Variants in C2orf15 observed in about 807,000 individuals in gnomAD.
The protein encoded by C2orf15 is chromosome 2 open reading frame 15.
Under a neutral mutation model 4.4 loss-of-function variants are expected in C2orf15, and 3 were observed. The observed-to-expected ratio is 0.67, with a 90% CI of 0.31 to 1.74. The LOEUF (loss-of-function observed/expected upper bound fraction) is 1.74, where lower values mean the gene tolerates loss of function less well. Ranked by LOEUF, C2orf15 falls within the 40% of genes most tolerant of loss-of-function variation. The pLI, the probability that C2orf15 is intolerant of heterozygous loss-of-function variation, is 0.09. For missense variants in C2orf15, 90 were observed against 103.3 expected, an observed-to-expected ratio of 0.87 and a Z score of 0.56; for synonymous variants, 37 against 36.8, an observed-to-expected ratio of 1.00 and a Z score of -0.02.
At chr2:99,145,104 C>T (rs987952767) in intron 2 of C2orf15, among the ~76,000 whole-genome samples, 1 of 152,162 alleles carries the variant, frequency 6.6e-6, no homozygotes, top group Admixed American at 6.5e-5. Context: ...CTTCTGGAGG[C>T]TCTAGGGGAA....
In C2orf15 at chr2:99,147,384, C is replaced by T. The variant is rs1574766223; in HGVS notation, c.-168-18C>T. 8 of 1,288,774 alleles carry T rather than the reference C, an allele frequency of 6.2e-6. No homozygotes were observed. The East Asian group carries it at 1.8e-4, about 30-fold the overall frequency. The allele number at this position is 1,288,774 out of a possible 1,614,324, so 79.8% of individuals were successfully genotyped here. ...ATTTATCTCTTTATGTACCTTTATT[C>T]TTACATATATATTCCAGATTTCTTC... On this transcript the variant is annotated intron_variant, in intron 2 of 3. Transcript: ENST00000650052.
At chr2:99,144,751 TC>T (rs2093615150) in intron 2 of C2orf15, among the ~76,000 whole-genome samples, 1 of 151,658 alleles carries the variant, frequency 6.6e-6, no homozygotes, top group Non-Finnish European at 1.5e-5. Context: ...TCTTCACAGT[TC>T]CAGGCCCCAT....
At chr2:99,150,208 G>A (rs986602894) in intron 3 of C2orf15, among the ~76,000 whole-genome samples, 3 of 152,116 alleles carry the variant, frequency 2.0e-5, no homozygotes, top group South Asian at 2.1e-4. Flanking sequence ...AAGAGGTTTC[G>A]CTAGCAAGAA....
At chr2:99,143,488 G>C (rs2093599706) in intron 2 of C2orf15, among the ~76,000 whole-genome samples, 1 of 146,526 alleles carries the variant, frequency 6.8e-6, no homozygotes, top group Non-Finnish European at 1.5e-5. Flanking sequence ...TTTTAAGACA[G>C]AGTCTCACTC....
intron 3 of C2orf15, among the ~76,000 whole-genome samples, chr2:99,148,685 G>A (rs1309577250): frequency 6.6e-6 from 1 of 152,102 alleles, no homozygotes. Context: ...CTAAAAAGTG[G>A]GTGAGGCTGA....
intron 2 of C2orf15, among the ~76,000 whole-genome samples, chr2:99,145,310 C>A (rs1330888023): frequency 6.6e-6 from 1 of 152,160 alleles, no homozygotes; most frequent in Non-Finnish European, 1.5e-5. Context: ...ATAATCCCAG[C>A]ATTTTGGGAG....
chr2:99,146,621 T>C (rs546190802), intron 2 of C2orf15, among the ~76,000 whole-genome samples: 55 of 152,264 alleles, frequency 3.6e-4, no homozygotes, highest in Middle Eastern at 6.8e-3. Context: ...CTTTAATGCA[T>C]TTGCACTCCA....
At chr2:99,144,413 T>C (rs1277498495) in intron 2 of C2orf15, among the ~76,000 whole-genome samples, 1 of 152,018 alleles carries the variant, frequency 6.6e-6, no homozygotes, top group African/African-American at 2.4e-5. Context: ...CTTTATTTCC[T>C]GTTTCTCAAG....
Position 99,150,833 on chromosome 2 carries a change from G to GA in C2orf15, c.*1dup, listed in dbSNP as rs1397068116. ...GGACTAGAAATGACAGATGTGGAAT[G>GA]AAGCAATTTGTACGTATTACCAAAG... The part of the protein sequence containing the change: ...SDGLEMTDVE[*] The change falls in exon 4 of 4, where the codon TGA becomes TGAA. Residue 92 remains the stop codon, a frameshift_variant and stop_retained_variant. Coordinates refer to ENST00000650052, the MANE Select transcript of C2orf15 (RefSeq NM_144706.4). LOFTEE classifies it high-confidence loss of function. 3 of 1,576,014 alleles carry GA rather than the reference G, an allele frequency of 1.9e-6. No homozygotes were observed. The highest frequency in any genetic ancestry group is 2.6e-6 in the Non-Finnish European group (3 of 1,164,838).
Position 99,144,649 on chromosome 2 carries a change from C to CAAAAAAAAAAAAA in C2orf15, c.-169+2258_-169+2270dup, listed in dbSNP as rs70940140. Among the ~76,000 whole-genome samples the CAAAAAAAAAAAAA allele has an allele frequency of 8.6e-4, 45 of 52,234 alleles. 2 individuals carry two copies. The highest frequency in any genetic ancestry group is 1.6e-3 in the African/African-American group (23 of 14,110). 34.3% of individuals were successfully genotyped at this position (52,234 alleles called of 152,430 possible). On this transcript the variant is annotated intron_variant, in intron 2 of 3. Coordinates refer to ENST00000650052, the MANE Select transcript of C2orf15 (RefSeq NM_144706.4). Reference sequence around the variant, plus strand: ...GGGGGACAAGAACAAAACTCTGTCTCAAAAAAAAAAAAAAAAAAAAAAGAT... The same window carrying CAAAAAAAAAAAAA: ...GGGGGACAAGAACAAAACTCTGTCTCAAAAAAAAAAAAAAAAAAAAAAAAAAAAAAAAAAAGAT...
chr2:99,150,696 A>G lies in C2orf15; in HGVS notation c.138A>G (p.Lys46=). 6.2e-7 allele frequency: 1 copy of G among 1,614,130 alleles called. No homozygotes were observed. Among genetic ancestry groups the G allele is most frequent in the Non-Finnish European group, 8.5e-7 (1 of 1,179,988 alleles). Residue 46 remains lysine, a synonymous_variant, in exon 4 of 4, where the codon AAA becomes AAG. Coordinates refer to ENST00000650052, the MANE Select transcript of C2orf15 (RefSeq NM_144706.4). ...PATQLFQNTK[K]IRLEDTNQEN... is the part of the protein sequence containing the mutation. ...CTCAGTTATTTCAAAACACCAAGAAAATAAGATTAGAAGACACAAATCAAG... is the reference window on the plus strand; with the variant it reads ...CTCAGTTATTTCAAAACACCAAGAAGATAAGATTAGAAGACACAAATCAAG...
rs1390917662 is a variant in C2orf15, at chr2:99,150,642, G to A, written c.84G>A (p.Gly28=). ...DSKVDDHLIR[G]TEKSRLEPAT... ...AAGTGGATGATCACTTAATACGAGG[G>A]ACTGAAAAAAGCAGGTTGGAACCAG... is the stretch of plus-strand genomic sequence containing the variant. The change falls in exon 4 of 4, where the codon GGG becomes GGA. Residue 28 remains glycine, a synonymous_variant. Coordinates refer to ENST00000650052, the MANE Select transcript of C2orf15 (RefSeq NM_144706.4). 2 of 1,613,910 alleles carry A rather than the reference G, an allele frequency of 1.2e-6. No individual in the cohort carries two copies.
intron 3 of C2orf15, among the ~76,000 whole-genome samples, chr2:99,150,168 G>C (rs573591491): frequency 1.3e-5 from 2 of 152,072 alleles, no homozygotes; most frequent in East Asian, 3.9e-4. Context: ...GCCTTCAGTC[G>C]TTATTTCTTT....
At chr2:99,144,031 G>GT (rs1490719123) in intron 2 of C2orf15, among the ~76,000 whole-genome samples, 4 of 150,464 alleles carry the variant, frequency 2.7e-5, no homozygotes, top group African/African-American at 7.3e-5. Flanking sequence ...TTTTTTGTTT[G>GT]TTTTTTTGAG....
At position 99,141,787 on chromosome 2, in the gene C2orf15, G is replaced by A. The variant is rs984232346; in HGVS notation, c.-436G>A. ...CTTTGTGCCACTTTTCCCAGGGCTT[G>A]GGCATCATTCTGGACCCATGTTCGG... On this transcript the variant is annotated 5_prime_UTR_variant, in exon 1 of 4. Coordinates refer to ENST00000650052, the MANE Select transcript of C2orf15 (RefSeq NM_144706.4). The A allele has an allele frequency of 6.5e-6, 1 of 152,758 alleles. No homozygotes were observed. The highest frequency in any genetic ancestry group is 1.9e-4 in the East Asian group (1 of 5,194). The allele number at this position is 152,758 out of a possible 1,614,324, so 9.5% of individuals were successfully genotyped here.
At chr2:99,146,920 C>T (rs1160711357) in intron 2 of C2orf15, 1 of 152,416 alleles carries the variant, frequency 6.6e-6, no homozygotes, top group East Asian at 1.9e-4. Context: ...AGCCACCGCG[C>T]CCAGCCTACT....
At chr2:99,147,754 A>G (rs1376028770) in intron 3 of C2orf15, among the ~76,000 whole-genome samples, 1 of 151,824 alleles carries the variant, frequency 6.6e-6, no homozygotes, top group African/African-American at 2.4e-5. Flanking sequence ...TAGATTTAAC[A>G]GTTGTTAGCA....
At chr2:99,146,514 T>C (rs1384920345) in intron 2 of C2orf15, among the ~76,000 whole-genome samples, 1 of 152,214 alleles carries the variant, frequency 6.6e-6, no homozygotes, top group Non-Finnish European at 1.5e-5. Flanking sequence ...CCCTTATTGT[T>C]TAAGCTTTTT....
In C2orf15 at chr2:99,151,601, T is replaced by C. The variant is rs11123765; in HGVS notation, c.*767T>C. 0.58 allele frequency: 88,265 copies of C among 152,042 alleles called. 26,518 individuals are homozygous for C. Among genetic ancestry groups the C allele is most frequent in the East Asian group, 0.88 (4,551 of 5,186 alleles). 9.4% of individuals were successfully genotyped at this position (152,042 alleles called of 1,614,324 possible). A position where few individuals can be genotyped will look rare whatever the true frequency, so the allele number is the denominator to read the frequency against. On this transcript the variant is annotated 3_prime_UTR_variant, in exon 4 of 4. Transcript: ENST00000650052. ...ATACTTTACTTTCTTACATTTTGCATTTTTGTTCTGTAAAAGATCACTGCC... is the reference window on the plus strand; with the variant it reads ...ATACTTTACTTTCTTACATTTTGCACTTTTGTTCTGTAAAAGATCACTGCC...
Sources: allele counts gnomAD v4.1 joint callset (sites outside exome capture counted in the v4.1 genomes callset), GRCh38; gene constraint gnomAD v4.1.1; transcripts MANE v1.5; gene names NCBI Gene and HGNC (gene_info 2026-07-23, HGNC 2026-07-21).